Variants in TBL1X observed in about 807,000 individuals in gnomAD.
The protein encoded by TBL1X is F-box-like/WD repeat-containing protein TBL1X.
A neutral mutation model predicts 50.7 loss-of-function variants in TBL1X; 10 were observed. That is an observed-to-expected ratio of 0.20 (90% CI 0.12 to 0.33). TBL1X has a LOEUF of 0.33. Among genes scored for constraint, TBL1X ranks in the 10% least tolerant of loss-of-function variants. TBL1X has a pLI of 1.00. For missense variants in TBL1X, 340 were observed against 504.4 expected (o/e 0.67, Z 3.12); for synonymous variants, 190 against 214.7 (o/e 0.88, Z 1.01).
At chrX:9,691,557 C>A (rs754555981) in intron 7 of TBL1X, 22 bp from the exon 8 acceptor site, 2 of 1,205,906 alleles carry the variant, frequency 1.7e-6, no homozygotes, top group East Asian at 5.9e-5. Context: ...AGCCACTTGT[C>A]TCTTTGTGTT....
upstream of TBL1X, among the ~76,000 whole-genome samples, chrX:9,464,035 C>T (rs750749495): frequency 2.7e-5 from 3 of 111,692 alleles, no homozygotes; most frequent in Non-Finnish European, 5.7e-5. Context: ...GCTCTTAGCA[C>T]GAAGCTCATT....
At chrX:9,463,551 A>C (rs1340573957), upstream of TBL1X, 1 of 112,549 alleles carries the variant, frequency 8.9e-6, no homozygotes, top group Admixed American at 9.4e-5. Flanking sequence ...AATATTTTGC[A>C]GGGTAATTTT....
At chrX:9,695,208 T>C (rs2083124535) in intron 11 of TBL1X, among the ~76,000 whole-genome samples, 1 of 110,628 alleles carries the variant, frequency 9.0e-6, no homozygotes, top group Non-Finnish European at 1.9e-5. Flanking sequence ...AGATGAGCAG[T>C]TGCAAGAGAG....
intron 3 of TBL1X, among the ~76,000 whole-genome samples, chrX:9,652,210 C>G (rs1447989759): frequency 8.9e-6 from 1 of 112,106 alleles, no homozygotes; most frequent in Non-Finnish European, 1.9e-5. Context: ...TTAATAATCA[C>G]AGGAGAGAAA....
At chrX:9,714,546 A>C (rs1391964456) in intron 16 of TBL1X, among the ~76,000 whole-genome samples, 1 of 111,760 alleles carries the variant, frequency 8.9e-6, no homozygotes, top group African/African-American at 3.3e-5. Flanking sequence ...GTCTGTAGAA[A>C]GTTTTGGTCG....
At chrX:9,654,002 T>C (rs2082851285) in intron 4 of TBL1X, among the ~76,000 whole-genome samples, 1 of 112,025 alleles carries the variant, frequency 8.9e-6, no homozygotes, top group South Asian at 3.7e-4. Flanking sequence ...AGGCCAACTC[T>C]TGTTTTTTTG....
chrX:9,654,169 GAAAAATAC>G, intron 4 of TBL1X, 38 bp from the exon 5 acceptor site: 1 of 1,097,074 alleles, frequency 9.1e-7, no homozygotes, highest in Non-Finnish European at 1.2e-6. Context: ...AAAAAAAAGA[GAAAAATAC>G]AAGCAGTGTT....
At chrX:9,497,961 G>T (rs2081981349) in intron 1 of TBL1X, among the ~76,000 whole-genome samples, 1 of 102,488 alleles carries the variant, frequency 9.8e-6, no homozygotes, top group African/African-American at 3.6e-5. Context: ...GGAACTCCTG[G>T]GCTCAAGTGA....
At chrX:9,480,757 A>ACCCCC (rs60470790) in intron 1 of TBL1X, among the ~76,000 whole-genome samples, 32 of 46,883 alleles carry the variant, frequency 6.8e-4, no homozygotes, top group Non-Finnish European at 8.9e-4. Context: ...AAATTAAGCC[A>ACCCCC]CCCCCCCCCC....
intron 2 of TBL1X, among the ~76,000 whole-genome samples, chrX:9,617,906 G>C (rs2146565229): frequency 8.9e-6 from 1 of 111,800 alleles, no homozygotes; most frequent in African/African-American, 3.3e-5. Context: ...CTGCACTGTG[G>C]TCAGCTGGAG....
intron 2 of TBL1X, among the ~76,000 whole-genome samples, chrX:9,568,454 C>T (rs1297327965): frequency 1.8e-5 from 2 of 109,359 alleles, no homozygotes; most frequent in Admixed American, 9.8e-5. Flanking sequence ...TGGCTATATG[C>T]GGCGTGCTGT....
rs202113031 is a variant in TBL1X, at chrX:9,493,172, CT to C, written c.-200-8606del. Among the ~76,000 whole-genome samples the C allele has an allele frequency of 8.3e-3, 923 of 111,204 alleles. 5 individuals carry two copies. Among genetic ancestry groups the C allele is most frequent in the Middle Eastern group, 0.032 (7 of 216 alleles). On this transcript the variant is annotated intron_variant, in intron 1 of 17. Coordinates refer to ENST00000645353, the MANE Select transcript of TBL1X (RefSeq NM_005647.4). ...GCTCAATGGAGGTGATGTTTTCCCACTTGCTATGCTGTGCCTTAGGGAACAG... is the reference window on the plus strand; with the variant it reads ...GCTCAATGGAGGTGATGTTTTCCCACTGCTATGCTGTGCCTTAGGGAACAG...
At chrX:9,711,523 A>G (rs2083246801) in intron 15 of TBL1X, 88 bp from the exon 16 acceptor site, 1 of 923,962 alleles carries the variant, frequency 1.1e-6, no homozygotes, top group African/African-American at 2.0e-5. Context: ...GCTGGGAAAA[A>G]CAACTCCTGG....
rs3043994 is a variant in TBL1X at position 9,684,598 on chromosome X, TA to T, written c.357+428del. 3.3e-3 allele frequency among the ~76,000 whole-genome samples: 169 copies of T among 51,255 alleles called. 3 individuals are homozygous for T. The highest frequency in any genetic ancestry group is 0.02 in the Middle Eastern group (1 of 50). 44.5% of individuals were successfully genotyped at this position (51,255 alleles called of 115,157 possible). ...TGCAGTGAGACTCCATCTCTAAAAT[TA>T]AAAAAAAAAAAAAAAAAGGAAGAAG... On this transcript the variant is annotated intron_variant, in intron 6 of 17. Transcript: ENST00000645353.
intron 5 of TBL1X, among the ~76,000 whole-genome samples, chrX:9,678,988 G>A (rs907551476): frequency 2.7e-5 from 3 of 110,586 alleles, no homozygotes; most frequent in Admixed American, 1.9e-4. Flanking sequence ...TTTATAAAAT[G>A]TCATCCTTTG....
intron 5 of TBL1X, among the ~76,000 whole-genome samples, chrX:9,658,708 A>C: frequency 8.9e-6 from 1 of 112,080 alleles, no homozygotes; most frequent in Non-Finnish European, 1.9e-5. Flanking sequence ...AGGGGGACAG[A>C]ACCACAGATT....
intron 1 of TBL1X, among the ~76,000 whole-genome samples, chrX:9,499,266 C>G (rs1267832178): frequency 8.9e-6 from 1 of 111,963 alleles, no homozygotes; most frequent in Non-Finnish European, 1.9e-5. Flanking sequence ...ATTGAGATGT[C>G]TGTCACCACC....
At chrX:9,647,144 C>T (rs921634386) in intron 3 of TBL1X, among the ~76,000 whole-genome samples, 1 of 111,814 alleles carries the variant, frequency 8.9e-6, no homozygotes, top group African/African-American at 3.3e-5. Flanking sequence ...GAATGCTGAA[C>T]TGTTTTGTGA....
chrX:9,522,519 C>T (rs1388138186), intron 2 of TBL1X, among the ~76,000 whole-genome samples: 1 of 111,167 alleles, frequency 9.0e-6, no homozygotes, highest in African/African-American at 3.3e-5. Context: ...TCTCTGAAGG[C>T]CGAGGCTGAG....
Sources: allele counts gnomAD v4.1 joint callset (sites outside exome capture counted in the v4.1 genomes callset), GRCh38; gene constraint gnomAD v4.1.1; transcripts MANE v1.5; gene names NCBI Gene and HGNC (gene_info 2026-07-23, HGNC 2026-07-21).